Variants in RHOA observed in about 807,000 individuals in gnomAD.
RHOA encodes transforming protein RhoA.
A neutral mutation model predicts 17.5 loss-of-function variants in RHOA; 3 were observed. The observed-to-expected ratio is 0.17, with a 90% confidence interval of 0.08 to 0.44. RHOA has a LOEUF of 0.44. Ranked by LOEUF, RHOA falls within the 20% of genes least tolerant of loss-of-function variation. RHOA has a pLI of 0.99. For synonymous variants in RHOA, 98 were observed against 88.4 expected (o/e 1.11, Z -0.61); for missense variants, 56 against 242.3 (o/e 0.23, Z 5.10).
chr3:49,379,678 C>T (rs930966719), intron 1 of RHOA, among the ~76,000 whole-genome samples: 2 of 152,068 alleles, frequency 1.3e-5, no homozygotes, highest in African/African-American at 4.8e-5. Flanking sequence ...CCACACCCGG[C>T]TAATTTTTTG....
intron 1 of RHOA, among the ~76,000 whole-genome samples, chr3:49,396,417 T>C (rs1003493619): frequency 5.9e-5 from 9 of 151,654 alleles, no homozygotes; most frequent in African/African-American, 2.2e-4. Context: ...CTACTAAAAA[T>C]ACAAAAAATT....
At chr3:49,391,107 ACTTGGGAGGATGAGG>A (rs2048495349) in intron 1 of RHOA, among the ~76,000 whole-genome samples, 1 of 151,854 alleles carries the variant, frequency 6.6e-6, no homozygotes, top group Admixed American at 6.6e-5. Flanking sequence ...AGTCCCAGCT[ACTTGGGAGGATGAGG>A]CAGGAGAACC....
intron 4 of RHOA, among the ~76,000 whole-genome samples, chr3:49,361,567 A>G (rs1471004773): frequency 1.3e-5 from 2 of 152,312 alleles, no homozygotes; most frequent in African/African-American, 4.8e-5. Flanking sequence ...TACCAAAGTA[A>G]TAGCTGGGGA....
chr3:49,400,211 CAAA>C (rs1396381544), intron 1 of RHOA, among the ~76,000 whole-genome samples: 9 of 23,916 alleles, frequency 3.8e-4, no homozygotes, highest in Admixed American at 1.1e-3. Context: ...GACTCCATCT[CAAA>C]AAAAAAAAAA....
chr3:49,364,269 C>T (rs2048018631), intron 3 of RHOA, among the ~76,000 whole-genome samples: 1 of 152,006 alleles, frequency 6.6e-6, no homozygotes, highest in Non-Finnish European at 1.5e-5. Flanking sequence ...TGGATCACCT[C>T]AGGTCGGGAG....
intron 1 of RHOA, among the ~76,000 whole-genome samples, chr3:49,391,389 CAAAAAA>C (rs71627384): frequency 4.1e-5 from 5 of 123,096 alleles, no homozygotes; most frequent in Non-Finnish European, 6.9e-5. Context: ...GAGAATCCGT[CAAAAAA>C]AAAAAAAAAA....
At chr3:49,363,147 G>A (rs1290742309) in intron 3 of RHOA, among the ~76,000 whole-genome samples, 5 of 152,168 alleles carry the variant, frequency 3.3e-5, no homozygotes, top group Admixed American at 3.3e-4. Flanking sequence ...GGCCGGGAGC[G>A]GTGGCTCATG....
At chr3:49,406,670 G>C (rs1056340286) in intron 1 of RHOA, 3 of 151,986 alleles carry the variant, frequency 2.0e-5, no homozygotes, top group African/African-American at 7.2e-5. Flanking sequence ...ACCTGTAATC[G>C]AGCTAGTGGG....
intron 1 of RHOA, among the ~76,000 whole-genome samples, chr3:49,396,116 CAAGAA>C (rs1472319817): frequency 6.6e-6 from 1 of 152,120 alleles, no homozygotes; most frequent in Non-Finnish European, 1.5e-5. Flanking sequence ...GAACACATTA[CAAGAA>C]AAGAGTCCAA....
Position 49,360,063 on chromosome 3 carries a change from G to T in RHOA, c.*146C>A. On this transcript the variant is annotated 3_prime_UTR_variant, in exon 5 of 5. Transcript: ENST00000418115. ...TGGACATCGTTAATAATCATAGTTG[G>T]CTTCTAAATACTGGTAGCAAGATGA... 2 of 920,580 alleles carry T rather than the reference G, an allele frequency of 2.2e-6. No individual in the cohort carries two copies. Among genetic ancestry groups the T allele is most frequent in the Non-Finnish European group, 3.2e-6 (2 of 630,788 alleles). The allele number at this position is 920,580 out of a possible 1,614,324, so 57.0% of individuals were successfully genotyped here.
chr3:49,392,307 G>GT (rs1327147789), intron 1 of RHOA, among the ~76,000 whole-genome samples: 2 of 150,434 alleles, frequency 1.3e-5, no homozygotes, highest in Non-Finnish European at 3.0e-5. Flanking sequence ...GTGAGTGTCT[G>GT]TAATCCCAGC....
rs528581476 is a variant in RHOA at position 49,382,738 on chromosome 3, C to T, written c.-2-7147G>A. Among the ~76,000 whole-genome samples the T allele has an allele frequency of 4.6e-5, 7 of 152,266 alleles. No homozygotes were observed. The East Asian group carries it at 1.4e-3, about 29-fold the overall frequency. ...CAGGACCCTATGGGATGCAAAGAAA[C>T]GTCAACAGGAATTCCCCAGTTCAAG... On this transcript the variant is annotated intron_variant, in intron 1 of 4. Coordinates refer to ENST00000418115, the MANE Select transcript of RHOA (RefSeq NM_001664.4).
At chr3:49,361,890 TAA>T (rs1337536340) in intron 4 of RHOA, among the ~76,000 whole-genome samples, 1 of 144,950 alleles carries the variant, frequency 6.9e-6, no homozygotes, top group Non-Finnish European at 1.5e-5. Context: ...AAAATAAAAA[TAA>T]AGAGTCTAAC....
At chr3:49,385,349 T>C (rs1212870473) in intron 1 of RHOA, among the ~76,000 whole-genome samples, 1 of 150,284 alleles carries the variant, frequency 6.7e-6, no homozygotes, top group African/African-American at 2.4e-5. Context: ...GCCTCCCAAA[T>C]AGCTGGGAGG....
intron 2 of RHOA, among the ~76,000 whole-genome samples, chr3:49,372,937 C>G (rs1449321630): frequency 6.6e-6 from 1 of 152,060 alleles, no homozygotes; most frequent in African/African-American, 2.4e-5. Flanking sequence ...TATCAGGAAG[C>G]CCTACAATGA....
chr3:49,387,226 T>C (rs762766218), intron 1 of RHOA, among the ~76,000 whole-genome samples: 2 of 130,592 alleles, frequency 1.5e-5, no homozygotes, highest in African/African-American at 3.0e-5. Context: ...GGGCGGATCA[T>C]GAGGTCAGGA....
chr3:49,407,438 T>G (rs2048852834), intron 1 of RHOA, among the ~76,000 whole-genome samples: 1 of 152,004 alleles, frequency 6.6e-6, no homozygotes, highest in South Asian at 2.1e-4. Flanking sequence ...TTTCACCATG[T>G]GGCCAGGCTG....
chr3:49,390,907 ACCC>A (rs2048491144), intron 1 of RHOA, among the ~76,000 whole-genome samples: 1 of 151,702 alleles, frequency 6.6e-6, no homozygotes, highest in Non-Finnish European at 1.5e-5. Context: ...ACGTGGTGAA[ACCC>A]CGTCTCTACT....
intron 1 of RHOA, among the ~76,000 whole-genome samples, chr3:49,387,740 C>CA (rs747822212): frequency 0.017 from 1,046 of 62,618 alleles, 3 homozygotes; most frequent in Middle Eastern, 0.05. Flanking sequence ...CTCCAGGTCT[C>CA]AAAAAAAAAA....
Sources: gnomAD v4.1 joint callset for allele counts (sites outside exome capture counted in the v4.1 genomes callset) on GRCh38, gnomAD v4.1.1 for gene constraint, MANE v1.5 for transcripts, NCBI Gene and HGNC (gene_info 2026-07-23, HGNC 2026-07-21) for gene names.